WNT16: variants seen among roughly 807,000 people sequenced by gnomAD.
WNT16 encodes protein Wnt-16.
WNT16 carries 20 observed loss-of-function variants against 35.4 expected under a neutral mutation model. The ratio of observed to expected loss-of-function variants is 0.56; its 90% confidence interval spans 0.40 to 0.82. The LOEUF (loss-of-function observed/expected upper bound fraction) is 0.82, where lower values mean the gene tolerates loss of function less well. Among genes scored for constraint, WNT16 ranks in the 40% least tolerant of loss-of-function variants. The pLI, the probability that WNT16 is intolerant of heterozygous loss-of-function variation, is 0.00. For missense variants in WNT16, 461 were observed against 466.0 expected, an observed-to-expected ratio of 0.99 and a Z score of 0.10; for synonymous variants, 180 against 179.2, an observed-to-expected ratio of 1.00 and a Z score of -0.03.
At chr7:121,328,892 C>G (rs965340914), upstream of WNT16, 3 of 370,846 alleles carry the variant, frequency 8.1e-6, no homozygotes, top group East Asian at 2.8e-4. Context: ...AGCCTGAGGT[C>G]CCGAGATGAT....
chr7:121,327,172 T>C (rs1192250085), upstream of WNT16, among the ~76,000 whole-genome samples: 1 of 152,148 alleles, frequency 6.6e-6, no homozygotes, highest in Admixed American at 6.5e-5. Flanking sequence ...AGTATCTACA[T>C]CCTATCATCA....
chr7:121,339,002 A>T lies in WNT16; in HGVS notation c.755A>T (p.Lys252Ile). 6.2e-7 allele frequency: 1 copy of T among 1,614,148 alleles called. No homozygotes were observed. Among genetic ancestry groups the T allele is most frequent in the Non-Finnish European group, 8.5e-7 (1 of 1,179,988 alleles). ...FEKIGHLLKD[K>I]YENSIQISDK... is the part of the protein sequence containing the mutation. ...AAGATTGGCCATTTGTTGAAGGATA[A>T]ATATGAAAACAGTATCCAGATATCA... Residue 252 changes from lysine (K) to isoleucine (I), a missense_variant, in exon 4 of 4, where the codon AAA becomes ATA. By Grantham distance (102) the Lys-to-Ile change is moderately radical. Transcript: ENST00000222462.
chr7:121,330,108 G>A (rs1047719475), intron 2 of WNT16, among the ~76,000 whole-genome samples: 1 of 152,136 alleles, frequency 6.6e-6, no homozygotes, highest in Non-Finnish European at 1.5e-5. Flanking sequence ...CTCCTACCCC[G>A]CCGACCCCCT....
intron 3 of WNT16, among the ~76,000 whole-genome samples, chr7:121,335,104 G>A (rs966139119): frequency 1.3e-5 from 2 of 152,054 alleles, no homozygotes; most frequent in African/African-American, 2.4e-5. Flanking sequence ...ATCCAACCTC[G>A]TGTCGCAGTT....
chr7:121,338,784 T>C lies in WNT16; in HGVS notation c.634-97T>C, dbSNP rs891256425. The C allele has an allele frequency of 5.9e-6, 6 of 1,023,688 alleles. No individual in the cohort carries two copies. In the Admixed American group the frequency reaches 8.3e-5, roughly 14 times the overall value. The allele number at this position is 1,023,688 out of a possible 1,614,324, so 63.4% of individuals were successfully genotyped here. A position where few individuals can be genotyped will look rare whatever the true frequency, so the allele number is the denominator to read the frequency against. ...ACCATCATTTTTATTCAAGAGGAAATAGACCCAGAAAGTTAATTGATTAGA... is the reference window on the plus strand; with the variant it reads ...ACCATCATTTTTATTCAAGAGGAAACAGACCCAGAAAGTTAATTGATTAGA... On this transcript the variant is annotated intron_variant, in intron 3 of 3. Transcript: ENST00000222462.
Position 121,329,312 on chromosome 7 carries a change from T to C in WNT16, c.20T>C (p.Leu7Pro). Residue 7 changes from leucine (L) to proline (P), a missense_variant, in exon 1 of 4, where the codon CTG becomes CCG. Leu to Pro is a moderately conservative substitution (Grantham distance 98, BLOSUM62 -3). Transcript: ENST00000222462. MDRAAL[L>P]GLARLCALWA... is the part of the protein sequence containing the mutation. The stretch of plus-strand genomic sequence containing the variant: ...GGGGCGATGGACAGGGCGGCGCTCC[T>C]GGGACTGGCCCGCTTGTGCGCGCTG... 1 of 1,586,116 alleles carries C rather than the reference T, an allele frequency of 6.3e-7. No homozygotes were observed. Among genetic ancestry groups the C allele is most frequent in the Non-Finnish European group, 8.6e-7 (1 of 1,166,592 alleles).
At chr7:121,329,911 T>G in intron 2 of WNT16, 94 bp downstream of exon 2, 1 of 1,489,532 alleles carries the variant, frequency 6.7e-7, no homozygotes, top group Non-Finnish European at 8.9e-7. Flanking sequence ...TACGTGGTCC[T>G]GTAGCTCTCT....
intron 3 of WNT16, among the ~76,000 whole-genome samples, chr7:121,336,996 T>G (rs1793456341): frequency 6.6e-6 from 1 of 152,190 alleles, no homozygotes; most frequent in Non-Finnish European, 1.5e-5. Flanking sequence ...GAGCTTTTTC[T>G]CGTAAACTTT....
chr7:121,329,639 G>T lies in WNT16; in HGVS notation c.168G>T (p.Gln56His). 6.2e-7 allele frequency: 1 copy of T among 1,614,242 alleles called. No individual in the cohort carries two copies. The highest frequency in any genetic ancestry group is 1.7e-5 in the Admixed American group (1 of 60,034). ...CCAATTTGCCGCTGAACAGCCGCCA[G>T]AAGGAGCTGTGCAAGAGGAAACCGT... ...GCANLPLNSR[Q>H]KELCKRKPYL... Residue 56 changes from glutamine (Q) to histidine (H), a missense_variant, in exon 2 of 4, where the codon CAG (glutamine) becomes CAT (histidine). Gln to His is a conservative substitution (Grantham distance 24). Transcript: ENST00000222462.
At chr7:121,325,774 A>T (rs1489334629), upstream of WNT16, among the ~76,000 whole-genome samples, 1 of 152,054 alleles carries the variant, frequency 6.6e-6, no homozygotes, top group Non-Finnish European at 1.5e-5. Context: ...GGTGCCATGG[A>T]TCATGCCTAT....
At chr7:121,328,109 G>A (rs1173348964), upstream of WNT16, among the ~76,000 whole-genome samples, 1 of 152,206 alleles carries the variant, frequency 6.6e-6, no homozygotes, top group Non-Finnish European at 1.5e-5. Flanking sequence ...TTTTAAAAAT[G>A]TGTCTTCCAT....
upstream of WNT16, among the ~76,000 whole-genome samples, chr7:121,328,180 G>A (rs1489236540): frequency 6.6e-6 from 1 of 152,112 alleles, no homozygotes; most frequent in African/African-American, 2.4e-5. Flanking sequence ...CAATCCTAGC[G>A]AACTTTCAAC....
chr7:121,329,190 G>T lies in WNT16; in HGVS notation c.-103G>T. 4.9e-6 allele frequency: 7 copies of T among 1,438,546 alleles called. No individual in the cohort carries two copies. Among genetic ancestry groups the T allele is most frequent in the Non-Finnish European group, 6.4e-6 (7 of 1,099,496 alleles). 89.1% of individuals were successfully genotyped at this position (1,438,546 alleles called of 1,614,324 possible). ...TGTTGTATGCAAGGAGGAAGAGGGC[G>T]AGGGATAACTTGGTGCTGGACAACT... On this transcript the variant is annotated 5_prime_UTR_variant, in exon 1 of 4. It introduces an in-frame stop codon into an upstream open reading frame of the 5' UTR. Transcript: ENST00000222462.
At position 121,338,883 on chromosome 7, in the gene WNT16, T is replaced by C. The variant is rs753254379; in HGVS notation, c.636T>C (p.Ala212=). ...NLHNNEAGRQ[A]VAKLMSVDCR... ...AACACAATTACTGTTGGTTTCAGGCTGTCGCCAAGTTGATGTCAGTAGACT... is the reference window on the plus strand; with the variant it reads ...AACACAATTACTGTTGGTTTCAGGCCGTCGCCAAGTTGATGTCAGTAGACT... The change falls in exon 4 of 4, where the codon GCT becomes GCC. Residue 212 remains alanine (A), a splice_region_variant and synonymous_variant. Transcript: ENST00000222462. The C allele has an allele frequency of 1.2e-6, 2 of 1,611,228 alleles. No homozygotes were observed. Among genetic ancestry groups the C allele is most frequent in the East Asian group, 4.5e-5 (2 of 44,858 alleles).
chr7:121,331,395 C>T (rs1793343000), intron 2 of WNT16, among the ~76,000 whole-genome samples: 2 of 152,092 alleles, frequency 1.3e-5, no homozygotes, highest in South Asian at 4.1e-4. Flanking sequence ...TGCAAACATA[C>T]ATTTCAAATT....
chr7:121,331,824 T>G lies in WNT16; in HGVS notation c.493T>G (p.Trp165Gly). The change falls in exon 3 of 4, where the codon TGG (tryptophan) becomes GGG (glycine). Residue 165 changes from tryptophan to glycine, a missense_variant. Trp to Gly is a radical substitution (Grantham distance 184, BLOSUM62 -2). Coordinates refer to ENST00000222462, the MANE Select transcript of WNT16 (RefSeq NM_057168.2). ...NGGSASEGWH[W>G]GGCSDDVQYG... Reference sequence around the variant, plus strand: ...CGGCTCAGCAAGTGAAGGCTGGCACTGGGGGGGCTGCTCCGATGATGTCCA... The same window carrying G: ...CGGCTCAGCAAGTGAAGGCTGGCACGGGGGGGGCTGCTCCGATGATGTCCA... 1 of 1,613,982 alleles carries G rather than the reference T, an allele frequency of 6.2e-7. No homozygotes were observed. Among genetic ancestry groups the G allele is most frequent in the Non-Finnish European group, 8.5e-7 (1 of 1,180,004 alleles).
intron 3 of WNT16, among the ~76,000 whole-genome samples, chr7:121,335,084 A>T (rs1377639345): frequency 6.6e-6 from 1 of 152,128 alleles, no homozygotes; most frequent in African/African-American, 2.4e-5. Flanking sequence ...CAGGAATCCT[A>T]CATACACCCA....
chr7:121,339,110 A>G lies in WNT16; in HGVS notation c.863A>G (p.Asn288Ser), dbSNP rs143771072. The G allele has an allele frequency of 4.5e-5, 73 of 1,614,214 alleles. No individual in the cohort carries two copies. Among genetic ancestry groups the G allele is most frequent in the African/African-American group, 3.5e-4 (26 of 75,072 alleles). ...CATAAGGATGATCTGCTCTATGTTA[A>G]TAAGTCTCCCAACTACTGTGTAGAA... The part of the protein sequence containing the change: ...PIHKDDLLYV[N>S]KSPNYCVEDK... Residue 288 changes from asparagine (N) to serine (S), a missense_variant, in exon 4 of 4, where the codon AAT becomes AGT. Transcript: ENST00000222462.
At chr7:121,336,321 TAAAG>T (rs1793446066) in intron 3 of WNT16, among the ~76,000 whole-genome samples, 1 of 152,054 alleles carries the variant, frequency 6.6e-6, no homozygotes, top group Non-Finnish European at 1.5e-5. Context: ...TCATATATAA[TAAAG>T]ATATTATTTC....
Sources: gnomAD v4.1 joint callset for allele counts (sites outside exome capture counted in the v4.1 genomes callset) on GRCh38, gnomAD v4.1.1 for gene constraint, MANE v1.5 for transcripts, NCBI Gene and HGNC (gene_info 2026-07-23, HGNC 2026-07-21) for gene names.